The following UHMK1 variants were observed in gnomAD, a reference collection of about 807,000 sequenced individuals.
UHMK1 encodes the protein serine/threonine-protein kinase Kist.
In UHMK1, 18 loss-of-function variants were observed where a neutral mutation model predicts 44.0. The observed-to-expected ratio is 0.41, with a 90% confidence interval of 0.28 to 0.61. The LOEUF (loss-of-function observed/expected upper bound fraction) is 0.61, where lower values mean the gene tolerates loss of function less well. UHMK1 is among the 20% of genes least tolerant of loss of function. The pLI is 0.31. For missense variants in UHMK1, 463 were observed against 522.5 expected (o/e 0.89, Z 1.11); for synonymous variants, 231 against 198.5 (o/e 1.16, Z -1.38).
chr1:162,522,577 T>C lies in UHMK1; in HGVS notation c.*27T>C, dbSNP rs368798674. 440 of 1,602,900 alleles carry C rather than the reference T, an allele frequency of 2.7e-4. No homozygotes were observed. The highest frequency in any genetic ancestry group is 3.8e-4 in the Admixed American group (22 of 57,768). On this transcript the variant is annotated 3_prime_UTR_variant, in exon 8 of 8. Coordinates refer to ENST00000489294, the MANE Select transcript of UHMK1 (RefSeq NM_175866.5). ...CAGTAACCTAAGGACTGTTTCCTTTTTCTCCTCTTCCATTTCTTGGGTTAT... is the reference window on the plus strand; with the variant it reads ...CAGTAACCTAAGGACTGTTTCCTTTCTCTCCTCTTCCATTTCTTGGGTTAT...
chr1:162,504,877 C>T (rs752668912), intron 4 of UHMK1, among the ~76,000 whole-genome samples: 2 of 152,108 alleles, frequency 1.3e-5, no homozygotes, highest in African/African-American at 2.4e-5. Flanking sequence ...CAGATTCAAG[C>T]GATTCTTGTG....
chr1:162,521,161 A>G (rs560019496), intron 7 of UHMK1, among the ~76,000 whole-genome samples: 32 of 152,310 alleles, frequency 2.1e-4, no homozygotes, highest in African/African-American at 7.5e-4. Context: ...GGAATGTTAC[A>G]AAAAACACTG....
At chr1:162,512,873 A>C (rs1651715180) in intron 6 of UHMK1, 50 bp downstream of exon 6, 5 of 1,495,926 alleles carry the variant, frequency 3.3e-6, no homozygotes, top group Non-Finnish European at 4.6e-6. Context: ...AAATAAGTCT[A>C]GAATAAACAT....
intron 1 of UHMK1, among the ~76,000 whole-genome samples, chr1:162,499,715 A>C (rs1165781887): frequency 6.6e-6 from 1 of 152,192 alleles, no homozygotes; most frequent in African/African-American, 2.4e-5. Flanking sequence ...AAATTGAATA[A>C]TTGTACCATA....
At position 162,524,275 on chromosome 1, in the gene UHMK1, G is replaced by C. The variant is rs1652162987; in HGVS notation, c.*1725G>C. 6.6e-6 allele frequency: 1 copy of C among 152,086 alleles called. No individual in the cohort carries two copies. Among genetic ancestry groups the C allele is most frequent in the Non-Finnish European group, 1.5e-5 (1 of 68,024 alleles). 9.4% of individuals were successfully genotyped at this position (152,086 alleles called of 1,614,324 possible). The stretch of plus-strand genomic sequence containing the variant: ...TTTGACATTTTAGTTATTTATAATT[G>C]TCAAATTCAGGACTCTCCTTTAATG... On this transcript the variant is annotated 3_prime_UTR_variant, in exon 8 of 8. Coordinates refer to ENST00000489294, the MANE Select transcript of UHMK1 (RefSeq NM_175866.5).
At chr1:162,517,697 C>T (rs1571017388) in intron 6 of UHMK1, among the ~76,000 whole-genome samples, 1 of 151,966 alleles carries the variant, frequency 6.6e-6, no homozygotes, top group South Asian at 2.1e-4. Context: ...ACAGCCTGGC[C>T]AATATGGTGA....
At chr1:162,507,255 G>A (rs1651501009) in intron 4 of UHMK1, among the ~76,000 whole-genome samples, 2 of 151,988 alleles carry the variant, frequency 1.3e-5, no homozygotes, top group African/African-American at 4.8e-5. Flanking sequence ...AAGTAGCTAG[G>A]ATTACAGGCT....
chr1:162,500,490 T>C, intron 2 of UHMK1: 1 of 494,922 alleles, frequency 2.0e-6, no homozygotes, highest in South Asian at 2.9e-5. Flanking sequence ...TTAAAAGTAC[T>C]TAACCTACAT....
At chr1:162,517,354 G>A (rs1196663841) in intron 6 of UHMK1, among the ~76,000 whole-genome samples, 1 of 151,958 alleles carries the variant, frequency 6.6e-6, no homozygotes, top group East Asian at 1.9e-4. Flanking sequence ...GCATAGGGGG[G>A]TTATCTATTG....
intron 5 of UHMK1, 57 bp from the exon 6 acceptor site, chr1:162,512,668 G>A (rs571139700): frequency 1.9e-6 from 3 of 1,604,492 alleles, no homozygotes; most frequent in Middle Eastern, 1.7e-4. Context: ...CCTTTATCTG[G>A]TGTTCAACTT....
intron 6 of UHMK1, among the ~76,000 whole-genome samples, chr1:162,515,766 G>A (rs2101681785): frequency 6.6e-6 from 1 of 151,964 alleles, no homozygotes; most frequent in South Asian, 2.1e-4. Context: ...CGGGCGTGGT[G>A]GCTCATGCCT....
chr1:162,503,955 A>T (rs1035283191), intron 4 of UHMK1, 107 bp downstream of exon 4: 1 of 819,058 alleles, frequency 1.2e-6, no homozygotes, highest in Admixed American at 3.0e-5. Context: ...TGTAAGGAAC[A>T]TAAGTAATGA....
At chr1:162,499,781 TA>T (rs1046201654) in intron 1 of UHMK1, among the ~76,000 whole-genome samples, 173 bp from the exon 2 acceptor site, 1 of 152,140 alleles carries the variant, frequency 6.6e-6, no homozygotes, top group Non-Finnish European at 1.5e-5. Flanking sequence ...TTATTTTTAT[TA>T]AAATAACCCA....
chr1:162,511,316 G>C lies in UHMK1; in HGVS notation c.849-1184G>C, dbSNP rs189639697. 2.6e-3 allele frequency among the ~76,000 whole-genome samples: 387 copies of C among 148,344 alleles called. 2 individuals carry two copies. The highest frequency in any genetic ancestry group is 4.3e-3 in the Non-Finnish European group (289 of 67,358). Reference sequence around the variant, plus strand: ...AGTGATCCTGGAACTACAGATGCATGCCACCACACCAGCTAATTTTTAAAT... The same window carrying C: ...AGTGATCCTGGAACTACAGATGCATCCCACCACACCAGCTAATTTTTAAAT... On this transcript the variant is annotated intron_variant, in intron 4 of 7. Coordinates refer to ENST00000489294, the MANE Select transcript of UHMK1 (RefSeq NM_175866.5).
In UHMK1 at chr1:162,528,639, A is replaced by C. The variant is rs1431320653; in HGVS notation, c.*6089A>C. ...TATGCACTAGCTGCAAAGTCACAGC[A>C]CCTTATGGAAATAAGTATGTTTATT... is the stretch of plus-strand genomic sequence containing the variant. On this transcript the variant is annotated 3_prime_UTR_variant, in exon 8 of 8. Transcript: ENST00000489294. 6.7e-6 allele frequency: 1 copy of C among 148,946 alleles called. No individual in the cohort carries two copies. The highest frequency in any genetic ancestry group is 1.5e-5 in the Non-Finnish European group (1 of 67,146). 9.2% of individuals were successfully genotyped at this position (148,946 alleles called of 1,614,324 possible).
chr1:162,521,002 A>G (rs12044449), intron 7 of UHMK1, among the ~76,000 whole-genome samples: 3,977 of 152,286 alleles, frequency 0.026, 113 homozygotes, highest in East Asian at 0.12. Context: ...AGAAGTTTTC[A>G]CTGACATTTA....
chr1:162,513,684 T>C (rs963228018), intron 6 of UHMK1, among the ~76,000 whole-genome samples: 10 of 152,148 alleles, frequency 6.6e-5, no homozygotes, highest in Non-Finnish European at 8.8e-5. Flanking sequence ...AACACATAGA[T>C]ATGAAAGTGT....
chr1:162,508,748 A>G (rs757386275), intron 4 of UHMK1, among the ~76,000 whole-genome samples: 21 of 151,186 alleles, frequency 1.4e-4, no homozygotes, highest in Non-Finnish European at 2.8e-4. Flanking sequence ...TCTGGCATAC[A>G]TTATCTGAGA....
In UHMK1 at chr1:162,528,838, G is replaced by A. The variant is rs1187985371; in HGVS notation, c.*6288G>A. 2.0e-5 allele frequency: 3 copies of A among 152,076 alleles called. No homozygotes were observed. The highest frequency in any genetic ancestry group is 1.9e-4 in the East Asian group (1 of 5,198). The allele number at this position is 152,076 out of a possible 1,614,324, so 9.4% of individuals were successfully genotyped here. On this transcript the variant is annotated 3_prime_UTR_variant, in exon 8 of 8. Transcript: ENST00000489294. ...TAACAGTGTCAAAACTGGGGTAGAA[G>A]GGATTTTATTTTTTCCCAAAAGGGT... is the stretch of plus-strand genomic sequence containing the variant.
Sources: gnomAD v4.1 joint callset for allele counts (sites outside exome capture counted in the v4.1 genomes callset) on GRCh38, gnomAD v4.1.1 for gene constraint, MANE v1.5 for transcripts, NCBI Gene and HGNC (gene_info 2026-07-23, HGNC 2026-07-21) for gene names.